Variants in KLF12 observed in about 807,000 individuals in gnomAD.
The protein encoded by KLF12 is KLF transcription factor 12, also known as Krueppel-like factor 12.
A neutral mutation model predicts 37.8 loss-of-function variants in KLF12; 9 were observed. The ratio of observed to expected loss-of-function variants is 0.24; its 90% CI spans 0.14 to 0.42. KLF12 has a LOEUF of 0.42. KLF12 is among the 10% of genes least tolerant of loss of function. KLF12 has a pLI of 1.00. For synonymous variants in KLF12, 208 were observed against 202.1 expected (o/e 1.03, Z -0.25); for missense variants, 411 against 516.0 (o/e 0.80, Z 1.97).
chr13:74,158,657 T>G, the KLF12 span, among the ~76,000 whole-genome samples: 4 of 152,048 alleles, frequency 2.6e-5, no homozygotes, highest in Admixed American at 2.0e-4. Context: ...ACTATTAGAT[T>G]ATTAGAATAA....
intron 5 of KLF12, among the ~76,000 whole-genome samples, chr13:73,811,392 G>A (rs1389316750): frequency 6.6e-6 from 1 of 152,070 alleles, no homozygotes; most frequent in Non-Finnish European, 1.5e-5. Flanking sequence ...TTATGTGACT[G>A]GAAAAGTCAT....
chr13:74,090,926 AC>A (rs1176634330), intron 1 of KLF12, among the ~76,000 whole-genome samples: 1 of 145,510 alleles, frequency 6.9e-6, no homozygotes, highest in Non-Finnish European at 1.5e-5. Flanking sequence ...AGCCAAAACT[AC>A]CTTGAAAAAA....
At chr13:73,919,296 T>C (rs955808679) in intron 3 of KLF12, among the ~76,000 whole-genome samples, 1 of 152,188 alleles carries the variant, frequency 6.6e-6, no homozygotes, top group African/African-American at 2.4e-5. Context: ...ATCAATGCCC[T>C]AGAAAATTTG....
chr13:74,240,202 A>G, the KLF12 span, among the ~76,000 whole-genome samples: 1 of 151,220 alleles, frequency 6.6e-6, no homozygotes, highest in Non-Finnish European at 1.5e-5. Context: ...TTCACTTATG[A>G]AGCTTAGTTT....
At chr13:73,990,973 T>A (rs1036129575) in intron 2 of KLF12, among the ~76,000 whole-genome samples, 1 of 152,164 alleles carries the variant, frequency 6.6e-6, no homozygotes, top group African/African-American at 2.4e-5. Context: ...GGGCTTTGCA[T>A]GCTTTAATGG....
At chr13:74,214,654 C>G in the KLF12 span, among the ~76,000 whole-genome samples, 1 of 148,356 alleles carries the variant, frequency 6.7e-6, no homozygotes, top group Non-Finnish European at 1.5e-5. Flanking sequence ...TTTTTTTTTT[C>G]TAAAAATCTA....
rs570440250 is a variant in KLF12, at chr13:73,979,325, A to C, written c.33+15665T>G. 2.9e-3 allele frequency among the ~76,000 whole-genome samples: 434 copies of C among 150,080 alleles called. 1 individual carries two copies. Among genetic ancestry groups the C allele is most frequent in the Non-Finnish European group, 5.0e-3 (341 of 67,696 alleles). On this transcript the variant is annotated intron_variant, in intron 2 of 7. Coordinates refer to ENST00000377669, the MANE Select transcript of KLF12 (RefSeq NM_007249.5). ...TCTGCTCAACTTTGCTATGAACCTA[A>C]CATTTCTTTTAAAAACAGTCTGCTT...
At chr13:74,149,343 A>G in the KLF12 span, among the ~76,000 whole-genome samples, 1 of 152,172 alleles carries the variant, frequency 6.6e-6, no homozygotes, top group Non-Finnish European at 1.5e-5. Flanking sequence ...ACCTGACTCT[A>G]TTCTGACCCT....
intron 2 of KLF12, among the ~76,000 whole-genome samples, chr13:73,988,444 T>C (rs540758052): frequency 5.9e-5 from 9 of 152,340 alleles, no homozygotes; most frequent in African/African-American, 2.2e-4. Context: ...ACAATTTGTC[T>C]TTCTAGCCCA....
chr13:74,255,525 A>T, the KLF12 span, among the ~76,000 whole-genome samples: 1 of 152,226 alleles, frequency 6.6e-6, no homozygotes, highest in Non-Finnish European at 1.5e-5. Context: ...GCATGATGTA[A>T]TGAGACCTAA....
At chr13:73,818,853 CGGA>C (rs1450995273) in intron 4 of KLF12, among the ~76,000 whole-genome samples, 4 of 152,208 alleles carry the variant, frequency 2.6e-5, no homozygotes, top group African/African-American at 9.7e-5. Flanking sequence ...CTTTTAGCTA[CGGA>C]CAGGCTCCCT....
intron 3 of KLF12, among the ~76,000 whole-genome samples, chr13:73,867,788 A>G (rs148094090): frequency 3.9e-4 from 59 of 152,256 alleles, no homozygotes; most frequent in African/African-American, 1.3e-3. Flanking sequence ...CTCTAGTAAC[A>G]TGGAATTTCA....
At chr13:74,223,830 C>T in the KLF12 span, among the ~76,000 whole-genome samples, 2 of 152,126 alleles carry the variant, frequency 1.3e-5, no homozygotes, top group Non-Finnish European at 2.9e-5. Context: ...GCTTCCATAG[C>T]CCCATGGGTT....
At chr13:73,777,357 C>G (rs1303004546) in intron 5 of KLF12, among the ~76,000 whole-genome samples, 2 of 152,194 alleles carry the variant, frequency 1.3e-5, no homozygotes, top group Non-Finnish European at 2.9e-5. Flanking sequence ...AGATTTTTCT[C>G]TCTTGAAAGT....
intron 3 of KLF12, among the ~76,000 whole-genome samples, chr13:73,907,701 C>A (rs933794976): frequency 2.0e-5 from 3 of 152,176 alleles, no homozygotes; most frequent in African/African-American, 7.2e-5. Flanking sequence ...TCTGGTTCCA[C>A]AATGTCAGTG....
At chr13:73,914,736 T>C (rs538783718) in intron 3 of KLF12, among the ~76,000 whole-genome samples, 1 of 152,128 alleles carries the variant, frequency 6.6e-6, no homozygotes, top group South Asian at 2.1e-4. Flanking sequence ...TTAGCAAAAA[T>C]ATAGTTTCTT....
intron 5 of KLF12, among the ~76,000 whole-genome samples, chr13:73,796,087 C>T (rs1881945690): frequency 6.6e-6 from 1 of 152,158 alleles, no homozygotes; most frequent in Admixed American, 6.5e-5. Context: ...TACACAAAAA[C>T]ATGTTGTAAT....
chr13:73,801,905 C>A (rs1376913172), intron 5 of KLF12: 1 of 151,942 alleles, frequency 6.6e-6, no homozygotes, highest in Non-Finnish European at 1.5e-5. Context: ...AAAAACAAAA[C>A]CTTTAGTTTT....
At chr13:74,118,837 A>C (rs1877459317) in intron 1 of KLF12, among the ~76,000 whole-genome samples, 1 of 152,188 alleles carries the variant, frequency 6.6e-6, no homozygotes, top group African/African-American at 2.4e-5. Flanking sequence ...CTTCCCAAGA[A>C]CAAAGACTAC....
Sources: gnomAD v4.1 joint callset for allele counts (sites outside exome capture counted in the v4.1 genomes callset) on GRCh38, gnomAD v4.1.1 for gene constraint, MANE v1.5 for transcripts, NCBI Gene and HGNC (gene_info 2026-07-23, HGNC 2026-07-21) for gene names.